The following DRG2 variants were observed in gnomAD, a reference collection of about 807,000 sequenced individuals.
DRG2 encodes developmentally-regulated GTP-binding protein 2.
In DRG2, 36 loss-of-function variants were observed where a neutral mutation model predicts 53.4. The observed-to-expected ratio is 0.67, with a 90% CI of 0.52 to 0.89. The LOEUF (loss-of-function observed/expected upper bound fraction) is 0.89. Ranked by LOEUF, DRG2 falls within the 40% of genes least tolerant of loss-of-function variation. DRG2 has a pLI of 0.00. For synonymous variants in DRG2, 167 were observed against 192.1 expected (o/e 0.87, Z 1.08); for missense variants, 342 against 481.2 (o/e 0.71, Z 2.71).
At chr17:18,089,009 C>T (rs2045266560) in intron 1 of DRG2, among the ~76,000 whole-genome samples, 2 of 152,156 alleles carry the variant, frequency 1.3e-5, no homozygotes. Context: ...AGTGGCTAGC[C>T]ATTCAGGCTT....
chr17:18,098,527 C>T lies in DRG2; in HGVS notation c.315+168C>T. On this transcript the variant is annotated intron_variant, in intron 3 of 12. Transcript: ENST00000225729. This position sits in a 1 kb window ranked among gnomAD's most constrained non-coding sequence, Gnocchi z 4.1. ...CTGACACTTCTGGGGATCCTAGCTG[C>T]TGGACCCCAGAGATGCCTGGTGGGG... 1.7e-6 allele frequency: 1 copy of T among 602,974 alleles called. No individual in the cohort carries two copies. 37.4% of individuals were successfully genotyped at this position (602,974 alleles called of 1,614,324 possible). A position where few individuals can be genotyped will look rare whatever the true frequency, so the allele number is the denominator to read the frequency against.
Position 18,101,907 on chromosome 17 carries a change from C to A in DRG2, c.730-14C>A, listed in dbSNP as rs2045544736. 6.2e-7 allele frequency: 1 copy of A among 1,608,260 alleles called. No individual in the cohort carries two copies. The highest frequency in any genetic ancestry group is 8.5e-7 in the Non-Finnish European group (1 of 1,176,872). On this transcript the variant is annotated splice_polypyrimidine_tract_variant and intron_variant, in intron 8 of 12. Coordinates refer to ENST00000225729, the MANE Select transcript of DRG2 (RefSeq NM_001388.5). ...TCCTGTCCTCAGCACCGGCCTCCAC[C>A]TTCTCAATCTCAGGTTTATAACAAA...
intron 1 of DRG2, among the ~76,000 whole-genome samples, chr17:18,093,450 T>C (rs1355695760): frequency 6.6e-6 from 1 of 151,924 alleles, no homozygotes; most frequent in Non-Finnish European, 1.5e-5. Context: ...TCCCAAATAG[T>C]TGGGATTACA....
chr17:18,097,017 C>G lies in DRG2; in HGVS notation c.226-1253C>G, dbSNP rs1030099711. The G allele has an allele frequency of 3.3e-5, 5 of 152,332 alleles. No homozygotes were observed. In the East Asian group the frequency reaches 9.6e-4, roughly 29 times the overall value. 9.4% of individuals were successfully genotyped at this position (152,332 alleles called of 1,614,324 possible). ...ATTGATAGAGAAGCCGCTCTAGTTA[C>G]CAAGAGCCGTGACCCTTGAAGTCTG... On this transcript the variant is annotated intron_variant, in intron 2 of 12. Transcript: ENST00000225729.
At chr17:18,101,809 CG>C (rs2045542499) in intron 8 of DRG2, 111 bp from the exon 9 acceptor site, 1 of 1,296,956 alleles carries the variant, frequency 7.7e-7, no homozygotes, top group South Asian at 1.4e-5. Flanking sequence ...GGAGGAAGGG[CG>C]TAGACTCAGC....
At chr17:18,105,551 CA>C (rs1282696220) in intron 11 of DRG2, 1 of 152,294 alleles carries the variant, frequency 6.6e-6, no homozygotes, top group Non-Finnish European at 1.5e-5. Flanking sequence ...GGCTTGAGAT[CA>C]CAGCAGGAGG....
At position 18,100,716 on chromosome 17, in the gene DRG2, G is replaced by C; in HGVS notation, c.631+57G>C. 6.5e-7 allele frequency: 1 copy of C among 1,530,968 alleles called. No homozygotes were observed. 94.8% of individuals were successfully genotyped at this position (1,530,968 alleles called of 1,614,324 possible). ...GCAGCCACCACCGTCAGCGCAGCGG[G>C]GGGACTGACTAAGACAGGAGGCCTC... On this transcript the variant is annotated intron_variant, in intron 7 of 12. Transcript: ENST00000225729. This position sits in a 1 kb window ranked among gnomAD's most constrained non-coding sequence, Gnocchi z 4.1.
In DRG2 at chr17:18,100,511, G is replaced by T; in HGVS notation, c.541-58G>T. The stretch of plus-strand genomic sequence containing the variant: ...GCATTGGCTGGCGGCTGAGGCTGTG[G>T]GACCATTGCTGTGACCCCTCGGTCA... On this transcript the variant is annotated intron_variant, in intron 6 of 12. Coordinates refer to ENST00000225729, the MANE Select transcript of DRG2 (RefSeq NM_001388.5). The surrounding 1 kb of genome is among the most constrained non-coding windows in gnomAD (Gnocchi z 4.1). 6.2e-7 allele frequency: 1 copy of T among 1,613,516 alleles called. No homozygotes were observed. The highest frequency in any genetic ancestry group is 8.5e-7 in the Non-Finnish European group (1 of 1,179,404).
chr17:18,089,838 G>A (rs1355718601), intron 1 of DRG2, among the ~76,000 whole-genome samples: 1 of 152,156 alleles, frequency 6.6e-6, no homozygotes, highest in African/African-American at 2.4e-5. Context: ...ACAGGACTGG[G>A]GCTGGGGTGC....
rs764657114 is a variant in DRG2 at position 18,090,187 on chromosome 17, CTTTTTT to C, written c.64+2119_64+2124del. Among the ~76,000 whole-genome samples, 4 of 70,272 alleles carry C rather than the reference CTTTTTT, an allele frequency of 5.7e-5. No individual in the cohort carries two copies. In the East Asian group the frequency reaches 2.6e-3, roughly 46 times the overall value. 46.1% of individuals were successfully genotyped at this position (70,272 alleles called of 152,430 possible). A position where few individuals can be genotyped will look rare whatever the true frequency, so the allele number is the denominator to read the frequency against. On this transcript the variant is annotated intron_variant, in intron 1 of 12. Transcript: ENST00000225729. The stretch of plus-strand genomic sequence containing the variant: ...ATGTGTACCTGACTGACACTGAATC[CTTTTTT>C]TTTTTTTTTTTTTTTTTTGAGACAG...
At chr17:18,094,213 C>T (rs1389195577) in intron 2 of DRG2, 5 of 489,792 alleles carry the variant, frequency 1.0e-5, no homozygotes, top group Non-Finnish European at 7.3e-6. Flanking sequence ...AAATACTTCT[C>T]GAGTGTGTAT....
Position 18,100,715 on chromosome 17 carries a change from G to T in DRG2, c.631+56G>T, listed in dbSNP as rs570105859. ...GGCAGCCACCACCGTCAGCGCAGCGGGGGGACTGACTAAGACAGGAGGCCT... is the reference window on the plus strand; with the variant it reads ...GGCAGCCACCACCGTCAGCGCAGCGTGGGGACTGACTAAGACAGGAGGCCT... On this transcript the variant is annotated intron_variant, in intron 7 of 12. Coordinates refer to ENST00000225729, the MANE Select transcript of DRG2 (RefSeq NM_001388.5). This position sits in a 1 kb window ranked among gnomAD's most constrained non-coding sequence, Gnocchi z 4.1. The T allele has an allele frequency of 2.0e-4, 300 of 1,536,916 alleles. 2 individuals carry two copies. In the Admixed American group the frequency reaches 5.6e-3, roughly 29 times the overall value.
At position 18,088,061 on chromosome 17, in the gene DRG2, A is replaced by T. The variant is rs1398305459; in HGVS notation, c.38A>T (p.Glu13Val). ...GAGAAGATCTCGGAGATCGAGAAGGAGATCGCTCGGACACAGAAGAACAAG... is the reference window on the plus strand; with the variant it reads ...GAGAAGATCTCGGAGATCGAGAAGGTGATCGCTCGGACACAGAAGAACAAG... ...ILEKISEIEK[E>V]IARTQKNKAT... The change falls in exon 1 of 13, where the codon GAG (glutamate) becomes GTG (valine). Residue 13 changes from glutamate (E) to valine (V), a missense_variant. Physicochemically the swap from Glu to Val is moderately radical, Grantham distance 121. Transcript: ENST00000225729. The T allele has an allele frequency of 1.9e-6, 3 of 1,548,842 alleles. No individual in the cohort carries two copies. Among genetic ancestry groups the T allele is most frequent in the South Asian group, 2.4e-5 (2 of 83,482 alleles).
At position 18,096,068 on chromosome 17, in the gene DRG2, G is replaced by T. The variant is rs568152595; in HGVS notation, c.225+2095G>T. On this transcript the variant is annotated intron_variant, in intron 2 of 12. Transcript: ENST00000225729. ...ATGTTTTTCTCGTGGTTAATCTGGG[G>T]TTATAGTTAGCAAGGAAGGCCACAG... 5 of 152,320 alleles carry T rather than the reference G, an allele frequency of 3.3e-5. No homozygotes were observed. The East Asian group carries it at 9.7e-4, about 29-fold the overall frequency. The allele number at this position is 152,320 out of a possible 1,614,324, so 9.4% of individuals were successfully genotyped here.
intron 8 of DRG2, 28 bp downstream of exon 8, chr17:18,101,618 G>T (rs745983023): frequency 1.2e-6 from 2 of 1,604,888 alleles, no homozygotes; most frequent in East Asian, 4.5e-5. Flanking sequence ...GCCCTGGCCT[G>T]GCCACTCGGC....
At chr17:18,105,997 T>G in intron 11 of DRG2, 1 of 192,498 alleles carries the variant, frequency 5.2e-6, no homozygotes, top group Non-Finnish European at 1.1e-5. Flanking sequence ...GCCCTGGGAG[T>G]TGGGGGTGAT....
Position 18,100,209 on chromosome 17 carries a change from A to C in DRG2, c.468-154A>C. Reference sequence around the variant, plus strand: ...GAGTTTAGAAGTTCCCTGCAGCTCTAGGGCATTGGGAAGGAGTGTTCTCTG... The same window carrying C: ...GAGTTTAGAAGTTCCCTGCAGCTCTCGGGCATTGGGAAGGAGTGTTCTCTG... On this transcript the variant is annotated intron_variant, in intron 5 of 12. Transcript: ENST00000225729. The surrounding 1 kb of genome is among the most constrained non-coding windows in gnomAD (Gnocchi z 4.1). The C allele has an allele frequency of 2.6e-6, 2 of 773,824 alleles. No homozygotes were observed. Among genetic ancestry groups the C allele is most frequent in the East Asian group, 5.0e-5 (2 of 40,356 alleles). 47.9% of individuals were successfully genotyped at this position (773,824 alleles called of 1,614,324 possible). A position where few individuals can be genotyped will look rare whatever the true frequency, so the allele number is the denominator to read the frequency against.
chr17:18,106,541 T>C (rs370320855), intron 12 of DRG2, 55 bp downstream of exon 12: 2 of 1,601,608 alleles, frequency 1.2e-6, no homozygotes, highest in Non-Finnish European at 1.7e-6. Context: ...AGCCCCTGGG[T>C]TAGGCATGAA....
intron 12 of DRG2, 69 bp from the exon 13 acceptor site, chr17:18,107,085 C>G: frequency 6.9e-7 from 1 of 1,448,654 alleles, no homozygotes; most frequent in Non-Finnish European, 9.7e-7. Context: ...CACACACGCC[C>G]AGGGATATCT....
Sources: gnomAD v4.1 joint callset for allele counts (sites outside exome capture counted in the v4.1 genomes callset) on GRCh38, gnomAD v4.1.1 for gene constraint, Gnocchi (gnomAD v3.1) non-coding constraint, MANE v1.5 for transcripts, NCBI Gene and HGNC (gene_info 2026-07-23, HGNC 2026-07-21) for gene names.